The following PNPLA2 variants were observed in gnomAD, a reference collection of about 807,000 sequenced individuals.
The protein encoded by PNPLA2 is patatin-like phospholipase domain-containing protein 2.
Under a neutral mutation model 39.7 loss-of-function variants are expected in PNPLA2, and 28 were observed. The ratio of observed to expected loss-of-function variants is 0.70; its 90% CI spans 0.52 to 0.97. The LOEUF is 0.97. Ranked by LOEUF, PNPLA2 falls within the 50% of genes least tolerant of loss-of-function variation. The probability of loss-of-function intolerance (pLI) is 0.00; values close to 1 mark genes in which losing one functional copy is unlikely to be tolerated. For synonymous variants in PNPLA2, 392 were observed against 321.1 expected (o/e 1.22, Z -2.36); for missense variants, 768 against 698.2 (o/e 1.10, Z -1.13).
rs1845845204 is a variant in PNPLA2 at position 825,053 on chromosome 11, G to A, written c.*191G>A. 1 of 633,740 alleles carries A rather than the reference G, an allele frequency of 1.6e-6. No individual in the cohort carries two copies. The highest frequency in any genetic ancestry group is 2.4e-5 in the Admixed American group (1 of 40,824). The allele number at this position is 633,740 out of a possible 1,614,324, so 39.3% of individuals were successfully genotyped here. A position where few individuals can be genotyped will look rare whatever the true frequency, so the allele number is the denominator to read the frequency against. ...GGCCGCTGAGGCCCCGCGCACCTGT[G>A]CCTTAATCTTCCCTCCCCTGTGCTG... is the stretch of plus-strand genomic sequence containing the variant. On this transcript the variant is annotated 3_prime_UTR_variant, in exon 10 of 10. Coordinates refer to ENST00000336615, the MANE Select transcript of PNPLA2 (RefSeq NM_020376.4).
At chr11:820,573 G>A (rs148903493) in intron 2 of PNPLA2, among the ~76,000 whole-genome samples, 1 of 152,294 alleles carries the variant, frequency 6.6e-6, no homozygotes, top group African/African-American at 2.4e-5. Flanking sequence ...GGCTGGCCTC[G>A]GCTCGCACCA....
Position 825,105 on chromosome 11 carries a change from T to G in PNPLA2, c.*243T>G. 1.8e-6 allele frequency: 1 copy of G among 569,990 alleles called. No individual in the cohort carries two copies. Among genetic ancestry groups the G allele is most frequent in the Middle Eastern group, 4.2e-4 (1 of 2,396 alleles). 35.3% of individuals were successfully genotyped at this position (569,990 alleles called of 1,614,324 possible). On this transcript the variant is annotated 3_prime_UTR_variant, in exon 10 of 10. Coordinates refer to ENST00000336615, the MANE Select transcript of PNPLA2 (RefSeq NM_020376.4). ...CCGAGCACCTCCCCCGCCCCTTTAC[T>G]CCTGAGAACTTTGCAGCTGCCCTTC...
chr11:823,396 G>C, intron 5 of PNPLA2, 131 bp from the exon 6 acceptor site: 1 of 822,322 alleles, frequency 1.2e-6, no homozygotes, highest in Admixed American at 2.0e-5. Context: ...TCTTGTTCTG[G>C]ATCTAGGATA....
Position 824,744 on chromosome 11 carries a change from A to C in PNPLA2, c.1397A>C (p.Asp466Ala), listed in dbSNP as rs1398557579. 1 of 1,574,766 alleles carries C rather than the reference A, an allele frequency of 6.4e-7. No individual in the cohort carries two copies. The highest frequency in any genetic ancestry group is 8.6e-7 in the Non-Finnish European group (1 of 1,168,174). Residue 466 changes from aspartate to alanine, a missense_variant, in exon 10 of 10, where the codon GAC (aspartate) becomes GCC (alanine). Asp to Ala is a moderately radical substitution (Grantham distance 126). Coordinates refer to ENST00000336615, the MANE Select transcript of PNPLA2 (RefSeq NM_020376.4). ...GCTCTGCGCATGCGCGCACCCGCCGACCCGGCTCCCGCCCCCGCGGACCCA... is the reference window on the plus strand; with the variant it reads ...GCTCTGCGCATGCGCGCACCCGCCGCCCCGGCTCCCGCCCCCGCGGACCCA... ...PEALRMRAPA[D>A]PAPAPADPAS... is the part of the protein sequence containing the mutation.
At chr11:821,893 T>C in intron 3 of PNPLA2, 33 bp downstream of exon 3, 2 of 1,600,222 alleles carry the variant, frequency 1.2e-6, no homozygotes, top group Admixed American at 3.3e-5. Flanking sequence ...TGGGTGGCGG[T>C]GGGGGGGGCA....
rs999052254 is a variant in PNPLA2 at position 825,087 on chromosome 11, C to T, written c.*225C>T. On this transcript the variant is annotated 3_prime_UTR_variant, in exon 10 of 10. Transcript: ENST00000336615. ...TTCCCTCCCCTGTGCTGCCCGAGCA[C>T]CTCCCCCGCCCCTTTACTCCTGAGA... 5.3e-5 allele frequency: 31 copies of T among 584,008 alleles called. No individual in the cohort carries two copies. The highest frequency in any genetic ancestry group is 4.8e-4 in the African/African-American group (25 of 51,790). 36.2% of individuals were successfully genotyped at this position (584,008 alleles called of 1,614,324 possible).
chr11:819,480 G>A, intron 1 of PNPLA2, 94 bp from the exon 2 acceptor site: 1 of 1,227,350 alleles, frequency 8.1e-7, no homozygotes, highest in Non-Finnish European at 1.0e-6. Context: ...GGGCACGGCC[G>A]TTCCCTGCGC....
Position 823,607 on chromosome 11 carries a change from A to AGAGGGC in PNPLA2, c.757+22_757+27dup, listed in dbSNP as rs1275701476. Reference sequence around the variant, plus strand: ...GGAACGGTGCGCGGACCCGGGCGGGAGAGGGCGGGGTGGGCTCGGCTCTGC... The same window carrying AGAGGGC: ...GGAACGGTGCGCGGACCCGGGCGGGAGAGGGCGAGGGCGGGGTGGGCTCGGCTCTGC... On this transcript the variant is annotated intron_variant, in intron 6 of 9. Transcript: ENST00000336615. The AGAGGGC allele has an allele frequency of 6.6e-7, 1 of 1,525,640 alleles. No individual in the cohort carries two copies. The highest frequency in any genetic ancestry group is 1.7e-5 in the Admixed American group (1 of 58,774). The allele number at this position is 1,525,640 out of a possible 1,614,324, so 94.5% of individuals were successfully genotyped here. A position where few individuals can be genotyped will look rare whatever the true frequency, so the allele number is the denominator to read the frequency against.
chr11:823,761 G>A lies in PNPLA2; in HGVS notation c.825G>A (p.Lys275=), dbSNP rs1845758934. The change falls in exon 7 of 10, where the codon AAG becomes AAA. Residue 275 remains lysine (K), a synonymous_variant. Transcript: ENST00000336615. ...PPARPHGPED[K]DQAVESAQAE... The stretch of plus-strand genomic sequence containing the variant: ...CCCGCCCCCACGGCCCAGAGGACAA[G>A]GACCAGGCAGTGGAGAGCGCCCAAG... 6.4e-7 allele frequency: 1 copy of A among 1,569,232 alleles called. No homozygotes were observed. Among genetic ancestry groups the A allele is most frequent in the Non-Finnish European group, 8.7e-7 (1 of 1,150,148 alleles).
chr11:825,064 CCCTCCCCTGTGCTGCCCGAGCA>C lies in PNPLA2; in HGVS notation c.*210_*231del. ...CCCCGCGCACCTGTGCCTTAATCTT[CCCTCCCCTGTGCTGCCCGAGCA>C]CCTCCCCCGCCCCTTTACTCCTGAG... On this transcript the variant is annotated 3_prime_UTR_variant, in exon 10 of 10. Coordinates refer to ENST00000336615, the MANE Select transcript of PNPLA2 (RefSeq NM_020376.4). The C allele has an allele frequency of 1.6e-6, 1 of 616,528 alleles. No homozygotes were observed. Among genetic ancestry groups the C allele is most frequent in the Admixed American group, 2.6e-5 (1 of 38,524 alleles). 38.2% of individuals were successfully genotyped at this position (616,528 alleles called of 1,614,324 possible). A position where few individuals can be genotyped will look rare whatever the true frequency, so the allele number is the denominator to read the frequency against.
chr11:821,900 G>T (rs746035622), intron 3 of PNPLA2, 40 bp downstream of exon 3: 4 of 1,608,670 alleles, frequency 2.5e-6, no homozygotes, highest in South Asian at 2.2e-5. Context: ...CGGTGGGGGG[G>T]GCAGTGGGAA....
rs1845836196 is a variant in PNPLA2 at position 824,875 on chromosome 11, C to G, written c.*13C>G. ...CCTGGGGCTGTGAGACCCCGACCCT[C>G]TCGAGGAACCCTGCCTGAGACGCCT... On this transcript the variant is annotated 3_prime_UTR_variant, in exon 10 of 10. Coordinates refer to ENST00000336615, the MANE Select transcript of PNPLA2 (RefSeq NM_020376.4). 6.5e-6 allele frequency: 10 copies of G among 1,528,096 alleles called. No homozygotes were observed. Among genetic ancestry groups the G allele is most frequent in the Non-Finnish European group, 7.9e-6 (9 of 1,140,118 alleles). The allele number at this position is 1,528,096 out of a possible 1,614,324, so 94.7% of individuals were successfully genotyped here.
chr11:819,674 G>T lies in PNPLA2; in HGVS notation c.-45G>T. ...GAGCGGCGAGCAGGCGGCTCACAGA[G>T]GCCTGGCCGCCCACGGAACCCGGGG... On this transcript the variant is annotated 5_prime_UTR_variant, in exon 2 of 10. In the 5' UTR this introduces an upstream ATG that the reference lacks. Coordinates refer to ENST00000336615, the MANE Select transcript of PNPLA2 (RefSeq NM_020376.4). 1 of 1,460,514 alleles carries T rather than the reference G, an allele frequency of 6.8e-7. No homozygotes were observed. The highest frequency in any genetic ancestry group is 2.4e-5 in the Admixed American group (1 of 41,384). 90.5% of individuals were successfully genotyped at this position (1,460,514 alleles called of 1,614,324 possible).
At chr11:823,071 T>A (rs553747734) in intron 5 of PNPLA2, among the ~76,000 whole-genome samples, 1 of 151,946 alleles carries the variant, frequency 6.6e-6, no homozygotes, top group East Asian at 1.9e-4. Context: ...TTTTATTTTT[T>A]TTTTGAGATG....
Position 822,484 on chromosome 11 carries a change from G to A in PNPLA2, c.574G>A (p.Asp192Asn). Residue 192 changes from aspartate to asparagine, a missense_variant, in exon 5 of 10, where the codon GAC becomes AAC. Transcript: ENST00000336615. Reference sequence around the variant, plus strand: ...AGTGTCCCCCTTCTCGGGCGAGAGTGACATCTGTCCGCAGGACAGCTCCAC... The same window carrying A: ...AGTGTCCCCCTTCTCGGGCGAGAGTAACATCTGTCCGCAGGACAGCTCCAC... Reference protein sequence around the residue: ...ITVSPFSGESDICPQDSSTNI... With the variant: ...ITVSPFSGESNICPQDSSTNI... The A allele has an allele frequency of 6.2e-7, 1 of 1,614,108 alleles. No individual in the cohort carries two copies. The highest frequency in any genetic ancestry group is 8.5e-7 in the Non-Finnish European group (1 of 1,180,000).
intron 5 of PNPLA2, 133 bp downstream of exon 5, chr11:822,739 C>T: frequency 1.3e-6 from 1 of 752,838 alleles, no homozygotes; most frequent in Non-Finnish European, 2.3e-6. Flanking sequence ...GGGGAAAGCG[C>T]ACAACCTTTC....
Position 821,698 on chromosome 11 carries a change from C to T in PNPLA2, c.258C>T (p.Pro86=), listed in dbSNP as rs1590175294. ...ARKRFLGPLH[P]SFNLVKIIRS... ...AGCGGTTCCTGGGCCCCCTGCACCC[C>T]TCCTTCAACCTGGTAAAGATCATCC... Residue 86 remains proline, a synonymous_variant, in exon 3 of 10, where the codon CCC becomes CCT. Coordinates refer to ENST00000336615, the MANE Select transcript of PNPLA2 (RefSeq NM_020376.4). 6.2e-7 allele frequency: 1 copy of T among 1,614,016 alleles called. No homozygotes were observed. The highest frequency in any genetic ancestry group is 8.5e-7 in the Non-Finnish European group (1 of 1,180,036).
chr11:824,231 C>G (rs889076256), intron 8 of PNPLA2, 83 bp from the exon 9 acceptor site: 4 of 1,547,870 alleles, frequency 2.6e-6, no homozygotes, highest in Non-Finnish European at 3.5e-6. Flanking sequence ...TGAGCAGTGC[C>G]AAGTCAGGGC....
At position 824,669 on chromosome 11, in the gene PNPLA2, G is replaced by C. The variant is rs1215547014; in HGVS notation, c.1322G>C (p.Arg441Pro). Residue 441 changes from arginine to proline, a missense_variant, in exon 10 of 10, where the codon CGC (arginine) becomes CCC (proline). Arg to Pro is a moderately radical substitution (Grantham distance 103, BLOSUM62 -2). Transcript: ENST00000336615. ...CTGGCCAAGTGGGAGGAGTGCCAGC[G>C]CCAGCTGCTGCTCGGCCTCTTCTGC... ...DALAKWEECQ[R>P]QLLLGLFCTN... 2 of 1,596,262 alleles carry C rather than the reference G, an allele frequency of 1.3e-6. No homozygotes were observed. Among genetic ancestry groups the C allele is most frequent in the Non-Finnish European group, 1.7e-6 (2 of 1,177,598 alleles).
Sources: gnomAD v4.1 joint callset for allele counts (sites outside exome capture counted in the v4.1 genomes callset) on GRCh38, gnomAD v4.1.1 for gene constraint, MANE v1.5 for transcripts, NCBI Gene and HGNC (gene_info 2026-07-23, HGNC 2026-07-21) for gene names.